Variants in RBMS3 observed in about 807,000 individuals in gnomAD.
RBMS3 encodes RNA-binding motif, single-stranded-interacting protein 3.
RBMS3 carries 27 observed loss-of-function variants against 66.8 expected under a neutral mutation model. The observed-to-expected ratio is 0.40, with a 90% CI of 0.30 to 0.56. The LOEUF is 0.56. RBMS3 is among the 20% of genes least tolerant of loss of function. RBMS3 has a pLI of 0.40. For missense variants in RBMS3, 513 were observed against 549.5 expected, an observed-to-expected ratio of 0.93 and a Z score of 0.66; for synonymous variants, 188 against 183.0, an observed-to-expected ratio of 1.03 and a Z score of -0.22.
intron 4 of RBMS3, among the ~76,000 whole-genome samples, chr3:29,652,488 A>C: frequency 6.6e-6 from 1 of 152,192 alleles, no homozygotes; most frequent in South Asian, 2.1e-4. Flanking sequence ...TATTTATCAC[A>C]AATCAATGGT....
chr3:29,598,846 A>T (rs1304487027), intron 4 of RBMS3, among the ~76,000 whole-genome samples: 3 of 152,028 alleles, frequency 2.0e-5, no homozygotes, highest in Admixed American at 6.6e-5. Flanking sequence ...ATTTTTTTTT[A>T]AAAGGAACAA....
chr3:29,667,947 C>G (rs2050833899), intron 4 of RBMS3, among the ~76,000 whole-genome samples: 1 of 151,954 alleles, frequency 6.6e-6, no homozygotes, highest in African/African-American at 2.4e-5. Context: ...TAAGAAGTAA[C>G]CAATCAGAAT....
chr3:29,944,067 T>C, intron 11 of RBMS3, 140 bp from the exon 12 acceptor site: 1 of 640,534 alleles, frequency 1.6e-6, no homozygotes, highest in Non-Finnish European at 2.8e-6. Flanking sequence ...TGAGGAATCC[T>C]AATGCCTTTA....
chr3:29,610,259 G>C (rs548625288), intron 4 of RBMS3, among the ~76,000 whole-genome samples: 3 of 152,144 alleles, frequency 2.0e-5, no homozygotes, highest in African/African-American at 4.8e-5. Context: ...ACATCAGCTA[G>C]AAACAGTAGC....
At chr3:29,969,250 T>C (rs1697068025) in intron 12 of RBMS3, among the ~76,000 whole-genome samples, 1 of 152,156 alleles carries the variant, frequency 6.6e-6, no homozygotes, top group Non-Finnish European at 1.5e-5. Flanking sequence ...TCTACCAGAG[T>C]TGACAATGTT....
At chr3:29,789,317 TG>T (rs1278378839) in intron 6 of RBMS3, among the ~76,000 whole-genome samples, 3 of 152,078 alleles carry the variant, frequency 2.0e-5, no homozygotes, top group South Asian at 4.1e-4. Flanking sequence ...AATATTAAAA[TG>T]TAACTGATTT....
chr3:29,719,599 A>C (rs1028971480), intron 4 of RBMS3, among the ~76,000 whole-genome samples: 6 of 152,098 alleles, frequency 3.9e-5, no homozygotes, highest in Admixed American at 2.0e-4. Flanking sequence ...TGTTTAATGG[A>C]TATATCAAAC....
chr3:29,666,640 T>A (rs201243052), intron 4 of RBMS3, among the ~76,000 whole-genome samples: 3 of 30 alleles, frequency 0.1, no homozygotes, highest in African/African-American at 0.2. Flanking sequence ...GCAAAACCAA[T>A]TTTTATCATT....
chr3:30,008,427 C>A lies in RBMS3; in HGVS notation c.*4565C>A, dbSNP rs1247062908. Reference sequence around the variant, plus strand: ...CAATGTTTATGTACGTGTATAACAACATTCAGCACATTTGAGGAATCACAC... The same window carrying A: ...CAATGTTTATGTACGTGTATAACAAAATTCAGCACATTTGAGGAATCACAC... On this transcript the variant is annotated 3_prime_UTR_variant, in exon 15 of 15. Transcript: ENST00000383767. 6.6e-6 allele frequency: 1 copy of A among 152,016 alleles called. No individual in the cohort carries two copies. The highest frequency in any genetic ancestry group is 1.5e-5 in the Non-Finnish European group (1 of 67,966). 9.4% of individuals were successfully genotyped at this position (152,016 alleles called of 1,614,324 possible).
intron 3 of RBMS3, among the ~76,000 whole-genome samples, chr3:29,508,367 A>G (rs2044267023): frequency 6.6e-6 from 1 of 152,076 alleles, no homozygotes; most frequent in Non-Finnish European, 1.5e-5. Context: ...CCACTTGCCA[A>G]CAGGCCCCAG....
intron 4 of RBMS3, among the ~76,000 whole-genome samples, chr3:29,695,881 C>G (rs544445518): frequency 5.1e-4 from 77 of 152,146 alleles, no homozygotes; most frequent in Middle Eastern, 3.4e-3. Flanking sequence ...TGCTAATTTC[C>G]AAGTTGATTT....
At chr3:29,479,316 A>G (rs2125815728) in intron 2 of RBMS3, among the ~76,000 whole-genome samples, 1 of 150,212 alleles carries the variant, frequency 6.7e-6, no homozygotes, top group East Asian at 1.9e-4. Flanking sequence ...TATTATATAT[A>G]TAATATACAA....
chr3:29,640,952 A>G (rs1440989914), intron 4 of RBMS3: 1 of 151,956 alleles, frequency 6.6e-6, no homozygotes, highest in Admixed American at 6.6e-5. Flanking sequence ...TTTTGTGAGA[A>G]TTACATGATA....
intron 8 of RBMS3, among the ~76,000 whole-genome samples, chr3:29,895,915 CA>C (rs35859346): frequency 6.0e-5 from 9 of 150,064 alleles, no homozygotes; most frequent in Admixed American, 4.7e-4. Flanking sequence ...AAAAAAAAAA[CA>C]ACTTTGTATT....
intron 3 of RBMS3, among the ~76,000 whole-genome samples, chr3:29,553,892 T>G (rs980382491): frequency 2.6e-5 from 4 of 152,126 alleles, no homozygotes; most frequent in African/African-American, 4.8e-5. Context: ...TGTTTTAGCT[T>G]GTCATCTTTT....
intron 2 of RBMS3, among the ~76,000 whole-genome samples, chr3:29,463,704 C>A (rs1355087308): frequency 1.3e-5 from 2 of 151,768 alleles, no homozygotes; most frequent in Admixed American, 1.3e-4. Context: ...CAGCTGGAAC[C>A]CTTAGCATTA....
At chr3:29,309,166 G>C (rs1178264720) in intron 1 of RBMS3, among the ~76,000 whole-genome samples, 1 of 151,614 alleles carries the variant, frequency 6.6e-6, no homozygotes, top group East Asian at 1.9e-4. Flanking sequence ...TCAAAAGTGA[G>C]TCCAAACGCA....
At chr3:29,501,037 A>T (rs2043948158) in intron 3 of RBMS3, among the ~76,000 whole-genome samples, 1 of 152,182 alleles carries the variant, frequency 6.6e-6, no homozygotes. Flanking sequence ...ACATAAACCG[A>T]AAAGTCCTGG....
intron 4 of RBMS3, among the ~76,000 whole-genome samples, chr3:29,679,254 C>T (rs1286721776): frequency 6.6e-6 from 1 of 152,096 alleles, no homozygotes; most frequent in East Asian, 1.9e-4. Context: ...ATATGAGCTT[C>T]TTGTATTTAT....
Sources: allele counts gnomAD v4.1 joint callset (sites outside exome capture counted in the v4.1 genomes callset), GRCh38; gene constraint gnomAD v4.1.1; transcripts MANE v1.5; gene names NCBI Gene and HGNC (gene_info 2026-07-23, HGNC 2026-07-21).